The following WDFY4 variants were observed in gnomAD, a reference collection of about 807,000 sequenced individuals.
WDFY4 encodes WD repeat- and FYVE domain-containing protein 4.
WDFY4 carries 169 observed loss-of-function variants against 351.9 expected under a neutral mutation model. The observed-to-expected ratio is 0.48, with a 90% confidence interval of 0.42 to 0.55. The LOEUF is 0.55. WDFY4 is among the 20% of genes least tolerant of loss of function. The pLI is 0.00. For synonymous variants in WDFY4, 1,622 were observed against 1,574.6 expected (o/e 1.03, Z -0.71); for missense variants, 3,803 against 3,935.6 (o/e 0.97, Z 0.90).
Position 48,976,798 on chromosome 10 carries a change from G to T in WDFY4, c.9110G>T (p.Gly3037Val). The change falls in exon 59 of 62, where the codon GGC becomes GTC. Residue 3037 changes from glycine (G) to valine (V), a missense_variant and splice_region_variant. By Grantham distance (109) the Gly-to-Val change is moderately radical (BLOSUM62 -3). Transcript: ENST00000325239. ...GTGATGCCAGCTCTCACTGCACAGG[G>T]CACCATTGTCTCCTGTGCGGGAGCA... Reference protein sequence around the residue: ...ISAITISDVSGTIVSCAGAHL... With the variant: ...ISAITISDVSVTIVSCAGAHL... The T allele has an allele frequency of 6.9e-7, 1 of 1,443,296 alleles. No homozygotes were observed. The highest frequency in any genetic ancestry group is 1.5e-5 in the South Asian group (1 of 67,704). 89.4% of individuals were successfully genotyped at this position (1,443,296 alleles called of 1,614,324 possible).
At chr10:48,789,582 C>A (rs2066610327) in intron 21 of WDFY4, among the ~76,000 whole-genome samples, 1 of 152,222 alleles carries the variant, frequency 6.6e-6, no homozygotes, top group African/African-American at 2.4e-5. Flanking sequence ...TCCTTGGGTC[C>A]CTCTTGCTCT....
intron 47 of WDFY4, among the ~76,000 whole-genome samples, chr10:48,933,223 C>A (rs1432624559): frequency 6.6e-6 from 1 of 152,170 alleles, no homozygotes; most frequent in Non-Finnish European, 1.5e-5. Context: ...CAGGCTGGAA[C>A]TGCTAGAGGG....
intron 6 of WDFY4, 101 bp downstream of exon 6, chr10:48,726,171 A>G: frequency 7.5e-7 from 1 of 1,328,602 alleles, no homozygotes; most frequent in East Asian, 2.6e-5. Flanking sequence ...GAGACTTGGG[A>G]TGCTCTTGCA....
chr10:48,981,440 C>A lies in WDFY4; in HGVS notation c.9450C>A (p.Ser3150Arg), dbSNP rs1260862613. Reference protein sequence around the residue: ...DVSIALTGKPSKTSPAVTALA... With the variant: ...DVSIALTGKPRKTSPAVTALA... ...GCATTGCTTTGACAGGGAAGCCCAG[C>A]AAAACCAGCCCCGCAGTGACTGCTC... Residue 3150 changes from serine (S) to arginine (R), a missense_variant, in exon 61 of 62, where the codon AGC becomes AGA. This residue lies in a region of WDFY4 where 3,054 missense variants were observed against 3,148.6 expected (regional missense o/e 0.97). Coordinates refer to ENST00000325239, the MANE Select transcript of WDFY4 (RefSeq NM_001394531.1). 1.3e-6 allele frequency: 2 copies of A among 1,551,740 alleles called. No homozygotes were observed. The highest frequency in any genetic ancestry group is 8.7e-7 in the Non-Finnish European group (1 of 1,147,000).
intron 35 of WDFY4, chr10:48,823,764 C>CA: frequency 1.0e-6 from 1 of 991,622 alleles, no homozygotes; most frequent in South Asian, 4.6e-5. Flanking sequence ...TCAGGGGGAC[C>CA]AGGCCTGAGG....
chr10:48,939,427 G>A (rs1230061507), intron 47 of WDFY4, among the ~76,000 whole-genome samples: 12 of 152,116 alleles, frequency 7.9e-5, no homozygotes, highest in Admixed American at 6.5e-4. Context: ...TGTCTTGCTC[G>A]GGGCCCCCCA....
intron 51 of WDFY4, 21 bp downstream of exon 51, chr10:48,946,990 G>A: frequency 7.7e-7 from 1 of 1,294,636 alleles, no homozygotes; most frequent in Admixed American, 2.1e-5. Context: ...GCCACTCTCT[G>A]TACACACACA....
intron 44 of WDFY4, among the ~76,000 whole-genome samples, chr10:48,894,954 G>A (rs965174099): frequency 2.0e-5 from 3 of 152,190 alleles, no homozygotes; most frequent in South Asian, 4.1e-4. Flanking sequence ...GCCAGCAGCC[G>A]GTTTGTATTA....
At chr10:48,745,636 T>C (rs2064986207) in intron 12 of WDFY4, 1 of 558,610 alleles carries the variant, frequency 1.8e-6, no homozygotes, top group Non-Finnish European at 3.4e-6. Flanking sequence ...TTTCTTCTTC[T>C]GGTAGTGGGT....
In WDFY4 at chr10:48,819,413, C is replaced by A. The variant is rs2067734642; in HGVS notation, c.5506-821C>A. Among the ~76,000 whole-genome samples the A allele has an allele frequency of 5.3e-5, 8 of 152,194 alleles. No homozygotes were observed. In the South Asian group the frequency reaches 1.7e-3, roughly 32 times the overall value. On this transcript the variant is annotated intron_variant, in intron 32 of 61. Transcript: ENST00000325239. ...GAGCTAATTAATGCAGTCACTACCTCCCTAGGTGCCATTAAATTCATTTTA... is the reference window on the plus strand; with the variant it reads ...GAGCTAATTAATGCAGTCACTACCTACCTAGGTGCCATTAAATTCATTTTA...
rs759305997 is a variant in WDFY4 at position 48,817,322 on chromosome 10, C to T, written c.5418C>T (p.His1806=). ...TGCTGCAGTTCCTCAGCCTCGTCCA[C>T]CGCACCTACCCCCAGGACCCAGCGT... ...ASVLQFLSLV[H]RTYPQDPAWR... Residue 1806 remains histidine (H), a synonymous_variant, in exon 32 of 62, where the codon CAC becomes CAT. Coordinates refer to ENST00000325239, the MANE Select transcript of WDFY4 (RefSeq NM_001394531.1). The T allele has an allele frequency of 2.0e-4, 306 of 1,551,576 alleles. No homozygotes were observed. The highest frequency in any genetic ancestry group is 2.6e-4 in the Non-Finnish European group (302 of 1,146,976).
chr10:48,848,860 G>A (rs1010848636), intron 39 of WDFY4, among the ~76,000 whole-genome samples: 1 of 152,218 alleles, frequency 6.6e-6, no homozygotes, highest in Non-Finnish European at 1.5e-5. Flanking sequence ...GCACAGGTGT[G>A]GCTCCTCTGT....
At chr10:48,933,958 TAACA>T (rs1322678727) in intron 47 of WDFY4, among the ~76,000 whole-genome samples, 1 of 152,048 alleles carries the variant, frequency 6.6e-6, no homozygotes, top group Non-Finnish European at 1.5e-5. Flanking sequence ...CACCAGGCAC[TAACA>T]AACCGGTCTG....
chr10:48,897,082 C>T (rs983986653), intron 44 of WDFY4, among the ~76,000 whole-genome samples: 2 of 152,260 alleles, frequency 1.3e-5, no homozygotes, highest in African/African-American at 2.4e-5. Flanking sequence ...GAAGCCCTCC[C>T]TGCTGGCCCC....
intron 47 of WDFY4, among the ~76,000 whole-genome samples, chr10:48,937,078 G>A (rs1380176833): frequency 4.0e-5 from 6 of 151,878 alleles, no homozygotes; most frequent in Non-Finnish European, 8.8e-5. Context: ...ATTTTTAGTA[G>A]AGACGAGGTT....
intron 36 of WDFY4, 135 bp from the exon 37 acceptor site, chr10:48,828,643 T>C: frequency 1.8e-6 from 1 of 552,394 alleles, no homozygotes; most frequent in Non-Finnish European, 3.1e-6. Context: ...TTTGCTTTAA[T>C]TTGATTAGGC....
intron 46 of WDFY4, 77 bp downstream of exon 46, chr10:48,900,383 G>T: frequency 7.4e-7 from 1 of 1,359,800 alleles, no homozygotes; most frequent in Non-Finnish European, 1.0e-6. Context: ...ACTCAGCTCT[G>T]TGCTCAGGAA....
chr10:48,726,168 G>A, intron 6 of WDFY4, 98 bp downstream of exon 6: 7 of 1,358,876 alleles, frequency 5.2e-6, no homozygotes. Context: ...AATGAGACTT[G>A]GGATGCTCTT....
At chr10:48,737,560 T>G (rs1407944707) in intron 11 of WDFY4, among the ~76,000 whole-genome samples, 2 of 152,224 alleles carry the variant, frequency 1.3e-5, no homozygotes, top group African/African-American at 4.8e-5. Context: ...CCAGCAGTGA[T>G]TGGTGTGGCC....
Sources: gnomAD v4.1 joint callset for allele counts (sites outside exome capture counted in the v4.1 genomes callset) on GRCh38, gnomAD v4.1.1 for gene constraint, gnomAD v4.1.1 regional missense constraint, MANE v1.5 for transcripts, NCBI Gene and HGNC (gene_info 2026-07-23, HGNC 2026-07-21) for gene names.